Variants in IFI44 observed in about 807,000 individuals in gnomAD.
The protein encoded by IFI44 is interferon-induced protein 44.
A neutral mutation model predicts 45.0 loss-of-function variants in IFI44; 42 were observed. That is an observed-to-expected ratio of 0.93 (90% CI 0.73 to 1.21). The LOEUF (loss-of-function observed/expected upper bound fraction) is 1.21. IFI44 is among the 50% of genes most tolerant of loss of function. The probability of loss-of-function intolerance (pLI) is 0.00; values close to 1 mark genes in which losing one functional copy is unlikely to be tolerated. For missense variants in IFI44, 623 were observed against 525.8 expected (o/e 1.18, Z -1.81); for synonymous variants, 221 against 188.6 (o/e 1.17, Z -1.41).
chr1:78,655,286 A>T (rs1011537052), intron 4 of IFI44, 76 bp from the exon 5 acceptor site: 4 of 1,562,482 alleles, frequency 2.6e-6, no homozygotes, highest in Non-Finnish European at 3.5e-6. Context: ...TTGCAGATCA[A>T]CTTTATTACA....
At chr1:78,662,899 G>A (rs1211833600) in intron 8 of IFI44, 21 bp downstream of exon 8, 1 of 1,613,136 alleles carries the variant, frequency 6.2e-7, no homozygotes, top group East Asian at 2.2e-5. Context: ...TGGTGGTGTG[G>A]AAGCTTGGAA....
intron 5 of IFI44, among the ~76,000 whole-genome samples, chr1:78,656,167 T>A (rs1647205691): frequency 6.6e-6 from 1 of 152,194 alleles, no homozygotes; most frequent in Non-Finnish European, 1.5e-5. Context: ...TAAATGTTTG[T>A]TGTTTAAGCA....
rs543466081 is a variant in IFI44 at position 78,651,641 on chromosome 1, G to A, written c.457+989G>A. On this transcript the variant is annotated intron_variant, in intron 2 of 8. Coordinates refer to ENST00000370747, the MANE Select transcript of IFI44 (RefSeq NM_006417.5). ...TACTATGCTGTACAGTAGATCTCTG[G>A]GACTTAATTATCTTGCATAAGTAAA... is the stretch of plus-strand genomic sequence containing the variant. Among the ~76,000 whole-genome samples, 9 of 152,194 alleles carry A rather than the reference G, an allele frequency of 5.9e-5. No homozygotes were observed. The South Asian group carries it at 1.7e-3, about 28-fold the overall frequency.
At chr1:78,660,758 G>T in intron 7 of IFI44, 104 bp downstream of exon 7, 4 of 800,846 alleles carry the variant, frequency 5.0e-6, no homozygotes, top group Non-Finnish European at 8.7e-6. Flanking sequence ...GGTTTAAGAA[G>T]AATTACAAAA....
chr1:78,658,378 A>G (rs1406293345), intron 5 of IFI44, among the ~76,000 whole-genome samples: 1 of 152,132 alleles, frequency 6.6e-6, no homozygotes, highest in East Asian at 1.9e-4. Flanking sequence ...CAATTAAAAC[A>G]TTTTAGCATA....
At chr1:78,661,986 G>T (rs1647483664) in intron 7 of IFI44, among the ~76,000 whole-genome samples, 1 of 152,158 alleles carries the variant, frequency 6.6e-6, no homozygotes, top group Non-Finnish European at 1.5e-5. Flanking sequence ...TATTTAATTA[G>T]GAGCATTATG....
intron 7 of IFI44, among the ~76,000 whole-genome samples, chr1:78,661,845 T>C (rs145634027): frequency 2.2e-3 from 330 of 152,224 alleles, no homozygotes; most frequent in African/African-American, 7.5e-3. Context: ...GGCCAACAAA[T>C]TCAGCATAAG....
intron 5 of IFI44, among the ~76,000 whole-genome samples, chr1:78,656,307 G>A (rs569576188): frequency 1.9e-4 from 29 of 152,296 alleles, no homozygotes; most frequent in African/African-American, 7.0e-4. Context: ...AACCATCTAA[G>A]TATATATTTT....
chr1:78,660,234 A>T (rs1647370030), intron 6 of IFI44, among the ~76,000 whole-genome samples: 1 of 152,146 alleles, frequency 6.6e-6, no homozygotes, highest in South Asian at 2.1e-4. Flanking sequence ...CTCTGTCAAA[A>T]CACAACTTCT....
At chr1:78,656,779 A>T (rs1003503692) in intron 5 of IFI44, among the ~76,000 whole-genome samples, 1 of 148,880 alleles carries the variant, frequency 6.7e-6, no homozygotes, top group African/African-American at 2.5e-5. Context: ...TGTGCCTATT[A>T]AAAAACACAG....
chr1:78,658,232 T>C (rs1473694335), intron 5 of IFI44, among the ~76,000 whole-genome samples: 1 of 152,096 alleles, frequency 6.6e-6, no homozygotes, highest in African/African-American at 2.4e-5. Context: ...TAACAGAATA[T>C]CATGTCACAG....
intron 6 of IFI44, 49 bp from the exon 7 acceptor site, chr1:78,660,504 GA>G (rs759141614): frequency 6.8e-6 from 9 of 1,332,838 alleles, no homozygotes; most frequent in Non-Finnish European, 9.6e-6. Context: ...TAAATAACTT[GA>G]AAATACTGAT....
intron 3 of IFI44, 113 bp from the exon 4 acceptor site, chr1:78,654,901 T>A (rs1183702145): frequency 1.2e-6 from 1 of 825,012 alleles, no homozygotes; most frequent in Non-Finnish European, 1.8e-6. Context: ...ATGTAAGAAG[T>A]CAAGTTGCTA....
chr1:78,663,819 A>G lies in IFI44; in HGVS notation c.*8A>G. ...GCACAAGGAAAAAAATAGATATGTG[A>G]AAGGTTCACGTAAATTTCCTCACAT... On this transcript the variant is annotated 3_prime_UTR_variant, in exon 9 of 9. Transcript: ENST00000370747. 6.2e-7 allele frequency: 1 copy of G among 1,611,264 alleles called. No individual in the cohort carries two copies. The highest frequency in any genetic ancestry group is 8.5e-7 in the Non-Finnish European group (1 of 1,178,928).
rs760086707 is a variant in IFI44 at position 78,655,431 on chromosome 1, G to A, written c.760G>A (p.Gly254Arg). 5.6e-6 allele frequency: 9 copies of A among 1,613,454 alleles called. No homozygotes were observed. The highest frequency in any genetic ancestry group is 1.1e-5 in the South Asian group (1 of 91,058). ...YLPFILCDSL[G>R]LSEKEGGLCR... is the part of the protein sequence containing the mutation. Reference sequence around the variant, plus strand: ...GCCGTTTATTCTGTGTGACTCACTGGGGCTGAGTGAGAAAGAAGGCGGCCT... The same window carrying A: ...GCCGTTTATTCTGTGTGACTCACTGAGGCTGAGTGAGAAAGAAGGCGGCCT... Residue 254 changes from glycine (G) to arginine (R), a missense_variant, in exon 5 of 9, where the codon GGG becomes AGG. Gly to Arg is a moderately radical substitution (Grantham distance 125). Transcript: ENST00000370747.
chr1:78,650,736 T>C (rs1647111306), intron 2 of IFI44, 84 bp downstream of exon 2: 1 of 923,622 alleles, frequency 1.1e-6, no homozygotes, highest in Non-Finnish European at 1.6e-6. Context: ...TAAGGAAAAA[T>C]GAACTTTTCA....
intron 3 of IFI44, 27 bp downstream of exon 3, chr1:78,654,306 T>G (rs766455242): frequency 8.2e-7 from 1 of 1,224,034 alleles, no homozygotes; most frequent in South Asian, 1.2e-5. Context: ...AAGATTCTAT[T>G]ACTCTCTTCA....
chr1:78,657,015 CTT>C (rs1166898822), intron 5 of IFI44, among the ~76,000 whole-genome samples: 4 of 151,712 alleles, frequency 2.6e-5, no homozygotes, highest in Non-Finnish European at 4.4e-5. Flanking sequence ...TCTCTTCTCT[CTT>C]ATTATTTTGA....
At chr1:78,661,441 C>G (rs1203519209) in intron 7 of IFI44, among the ~76,000 whole-genome samples, 1 of 152,054 alleles carries the variant, frequency 6.6e-6, no homozygotes, top group East Asian at 1.9e-4. Context: ...AACTGTCTAT[C>G]TTTACACTGA....
Sources: gnomAD v4.1 joint callset for allele counts (sites outside exome capture counted in the v4.1 genomes callset) on GRCh38, gnomAD v4.1.1 for gene constraint, MANE v1.5 for transcripts, NCBI Gene and HGNC (gene_info 2026-07-23, HGNC 2026-07-21) for gene names.